Variants in SCLY observed in about 807,000 individuals in gnomAD.
SCLY encodes selenocysteine lyase, also known as putative selenocysteine lyase.
A neutral mutation model predicts 50.1 loss-of-function variants in SCLY; 38 were observed. The ratio of observed to expected loss-of-function variants is 0.76; its 90% CI spans 0.59 to 0.99. SCLY has a LOEUF of 0.99. Among genes scored for constraint, SCLY ranks in the 50% least tolerant of loss-of-function variants. The pLI is 0.00. For synonymous variants in SCLY, 243 were observed against 249.4 expected, an observed-to-expected ratio of 0.97 and a Z score of 0.24; for missense variants, 600 against 620.0, an observed-to-expected ratio of 0.97 and a Z score of 0.34.
At chr2:238,070,372 C>G (rs72983117) in intron 4 of SCLY, among the ~76,000 whole-genome samples, 14,075 of 152,072 alleles carry the variant, frequency 0.093, 883 homozygotes, top group African/African-American at 0.18. Flanking sequence ...GACTATGAAG[C>G]CTTTTTTGAA....
chr2:238,086,495 G>A (rs2065298848), intron 7 of SCLY, among the ~76,000 whole-genome samples: 1 of 152,054 alleles, frequency 6.6e-6, no homozygotes, highest in South Asian at 2.1e-4. Flanking sequence ...AGGATTGCTT[G>A]AGGACAGGAG....
chr2:238,062,174 T>C (rs2065024671), intron 1 of SCLY, among the ~76,000 whole-genome samples: 1 of 152,180 alleles, frequency 6.6e-6, no homozygotes, highest in Non-Finnish European at 1.5e-5. Context: ...AAAGTATTAA[T>C]CTGAACAAAA....
chr2:238,093,777 A>G (rs2065394346), intron 8 of SCLY, 84 bp from the exon 9 acceptor site: 1 of 1,268,202 alleles, frequency 7.9e-7, no homozygotes, highest in Non-Finnish European at 1.1e-6. Context: ...GTTTCAGGAA[A>G]TGCCACCTGT....
At position 238,078,368 on chromosome 2, in the gene SCLY, T is replaced by G. The variant is rs573209199; in HGVS notation, c.485-3341T>G. 5.1e-4 allele frequency among the ~76,000 whole-genome samples: 78 copies of G among 152,344 alleles called. 1 individual carries two copies. Among genetic ancestry groups the G allele is most frequent in the South Asian group, 2.7e-3 (13 of 4,830 alleles). ...GTACCACCTATTTTCACTTTTTGTT[T>G]CCTAGATGTCTCATATATTTTTTGT... On this transcript the variant is annotated intron_variant, in intron 4 of 11. Coordinates refer to ENST00000254663, the MANE Select transcript of SCLY (RefSeq NM_016510.7).
At chr2:238,074,634 C>T (rs13388834) in intron 4 of SCLY, among the ~76,000 whole-genome samples, 3,999 of 152,218 alleles carry the variant, frequency 0.026, 173 homozygotes, top group African/African-American at 0.091. Context: ...TAAGCATGTG[C>T]CACCATGCCC....
chr2:238,077,975 G>C (rs753687073), intron 4 of SCLY, among the ~76,000 whole-genome samples: 1 of 145,136 alleles, frequency 6.9e-6, no homozygotes, highest in Non-Finnish European at 1.5e-5. Context: ...TTTTTTAGAC[G>C]GAATCTCGCT....
At chr2:238,093,592 T>G (rs2065392556) in intron 8 of SCLY, 1 of 479,574 alleles carries the variant, frequency 2.1e-6, no homozygotes, top group Non-Finnish European at 3.8e-6. Context: ...CGTCTGCCTC[T>G]CTGGGATGCT....
chr2:238,080,221 A>G (rs2065221876), intron 4 of SCLY: 1 of 152,212 alleles, frequency 6.6e-6, no homozygotes, highest in African/African-American at 2.4e-5. Context: ...AAGTACAGTC[A>G]TAGGCAGTTT....
In SCLY at chr2:238,099,356, A is replaced by G. The variant is rs3816347; in HGVS notation, c.*1001A>G. The G allele has an allele frequency of 0.085, 39,552 of 465,462 alleles. 2,231 individuals carry two copies. The highest frequency in any genetic ancestry group is 0.2 in the Admixed American group (8,263 of 41,218). The allele number at this position is 465,462 out of a possible 1,614,324, so 28.8% of individuals were successfully genotyped here. On this transcript the variant is annotated 3_prime_UTR_variant, in exon 12 of 12. Transcript: ENST00000254663. ...TTACGGTTCAAGGAACTACTTGATG[A>G]TTTTGAGGAAACACTTGCCAGAAAC...
At chr2:238,087,051 G>A (rs527569950) in intron 7 of SCLY, among the ~76,000 whole-genome samples, 1 of 151,912 alleles carries the variant, frequency 6.6e-6, no homozygotes, top group South Asian at 2.1e-4. Context: ...TTAGCTGGGC[G>A]TGGTGGCTCA....
intron 11 of SCLY, 33 bp downstream of exon 11, chr2:238,096,909 T>C: frequency 1.9e-6 from 3 of 1,568,948 alleles, no homozygotes; most frequent in Non-Finnish European, 2.6e-6. Context: ...GTCCAGGGCA[T>C]AGGGGTCCTC....
chr2:238,077,660 T>C (rs1284016426), intron 4 of SCLY, among the ~76,000 whole-genome samples: 1 of 152,180 alleles, frequency 6.6e-6, no homozygotes, highest in East Asian at 1.9e-4. Flanking sequence ...CTGGACTAAA[T>C]ACAAGATAAG....
intron 4 of SCLY, among the ~76,000 whole-genome samples, chr2:238,071,272 G>A (rs1271713393): frequency 6.6e-6 from 1 of 152,198 alleles, no homozygotes; most frequent in East Asian, 1.9e-4. Context: ...GTATAGACAT[G>A]CATGTGATGG....
In SCLY at chr2:238,069,338, C is replaced by T. The variant is rs757948991; in HGVS notation, c.345C>T (p.His115=). 1.8e-5 allele frequency: 29 copies of T among 1,613,736 alleles called. No homozygotes were observed. The highest frequency in any genetic ancestry group is 2.2e-5 in the South Asian group (2 of 91,008). The change falls in exon 4 of 12, where the codon CAC becomes CAT. Residue 115 remains histidine (H), a synonymous_variant. Coordinates refer to ENST00000254663, the MANE Select transcript of SCLY (RefSeq NM_016510.7). The surrounding 1 kb of genome is among the most constrained non-coding windows in gnomAD (Gnocchi z 5.0). The stretch of plus-strand genomic sequence containing the variant: ...TCCATTCTGTGGTGAAACATTTCCA[C>T]GCAAACCAGACCTCAAAGGGACACA... ...LVIHSVVKHF[H]ANQTSKGHTG...
At chr2:238,086,440 A>T (rs1269662470) in intron 7 of SCLY, among the ~76,000 whole-genome samples, 2 of 152,178 alleles carry the variant, frequency 1.3e-5, no homozygotes, top group Non-Finnish European at 2.9e-5. Context: ...GGCTGACACG[A>T]TGGCTCACAC....
intron 2 of SCLY, among the ~76,000 whole-genome samples, chr2:238,065,660 T>TTTATTATTATTA (rs61131460): frequency 0.072 from 10,290 of 143,406 alleles, 501 homozygotes; most frequent in East Asian, 0.19. Context: ...AATATTTTAT[T>TTTATTATTATTA]TTATTATTAT....
In SCLY at chr2:238,069,354, A is replaced by G; in HGVS notation, c.361A>G (p.Lys121Glu). ...VKHFHANQTS[K>E]GHTGGHHSPV... ...ACATTTCCACGCAAACCAGACCTCA[A>G]AGGGACACACAGGTGGGCACCACAG... is the stretch of plus-strand genomic sequence containing the variant. Residue 121 changes from lysine (K) to glutamate (E), a missense_variant, in exon 4 of 12, where the codon AAG (lysine) becomes GAG (glutamate). Lys to Glu is a moderately conservative substitution (Grantham distance 56, BLOSUM62 1). Transcript: ENST00000254663. This position sits in a 1 kb window ranked among gnomAD's most constrained non-coding sequence, Gnocchi z 5.0. 1.9e-6 allele frequency: 3 copies of G among 1,614,172 alleles called. No homozygotes were observed. The highest frequency in any genetic ancestry group is 2.5e-6 in the Non-Finnish European group (3 of 1,180,022).
At position 238,082,155 on chromosome 2, in the gene SCLY, G is replaced by T. The variant is rs750251393; in HGVS notation, c.723G>T (p.Gln241His). ...ATGCTGCACAGGCCTTGGGGAAGCA[G>T]CGCGTGGATGTGGAGGACCTGGGCG... is the stretch of plus-strand genomic sequence containing the variant. ...HTDAAQALGK[Q>H]RVDVEDLGVD... is the part of the protein sequence containing the mutation. The change falls in exon 6 of 12, where the codon CAG becomes CAT. Residue 241 changes from glutamine to histidine, a missense_variant. Transcript: ENST00000254663. 47 of 1,612,374 alleles carry T rather than the reference G, an allele frequency of 2.9e-5. No individual in the cohort carries two copies. Among genetic ancestry groups the T allele is most frequent in the Non-Finnish European group, 3.7e-5 (44 of 1,179,880 alleles).
At chr2:238,091,517 C>CTGTTTT in intron 8 of SCLY, 1 of 488,422 alleles carries the variant, frequency 2.0e-6, no homozygotes, top group Non-Finnish European at 3.7e-6. Flanking sequence ...GATACTGTTA[C>CTGTTTT]AGCAGAGGTG....
Sources: gnomAD v4.1 joint callset for allele counts (sites outside exome capture counted in the v4.1 genomes callset) on GRCh38, gnomAD v4.1.1 for gene constraint, Gnocchi (gnomAD v3.1) non-coding constraint, MANE v1.5 for transcripts, NCBI Gene and HGNC (gene_info 2026-07-23, HGNC 2026-07-21) for gene names.